Variants in GNG7 observed in about 807,000 individuals in gnomAD.
GNG7 encodes the protein G protein subunit gamma 7, also known as guanine nucleotide-binding protein G(I)/G(S)/G(O) subunit gamma-7.
Under a neutral mutation model 4.0 loss-of-function variants are expected in GNG7, and 1 was observed. The ratio of observed to expected loss-of-function variants is 0.25; its 90% confidence interval spans 0.09 to 1.18. GNG7 has a LOEUF of 1.18. Ranked by LOEUF, GNG7 falls within the 50% of genes most tolerant of loss-of-function variation. The pLI is 0.50. For missense variants in GNG7, 86 were observed against 91.9 expected, an observed-to-expected ratio of 0.94 and a Z score of 0.26; for synonymous variants, 34 against 36.9, an observed-to-expected ratio of 0.92 and a Z score of 0.29.
At chr19:2,566,762 T>C (rs1599394641) in intron 2 of GNG7, among the ~76,000 whole-genome samples, 1 of 152,176 alleles carries the variant, frequency 6.6e-6, no homozygotes, top group African/African-American at 2.4e-5. Context: ...CTGTGGACGA[T>C]TTCTCAATGA....
At chr19:2,697,919 A>G (rs113900785) in intron 1 of GNG7, among the ~76,000 whole-genome samples, 10,359 of 145,904 alleles carry the variant, frequency 0.071, 647 homozygotes, top group African/African-American at 0.18. Flanking sequence ...TTGCAATGAG[A>G]CAAGATGGCG....
intron 2 of GNG7, among the ~76,000 whole-genome samples, chr19:2,615,193 G>A (rs958088686): frequency 2.0e-5 from 3 of 150,066 alleles, no homozygotes; most frequent in Admixed American, 1.3e-4. Flanking sequence ...ACGGAGTCTC[G>A]CTCTGTCGCC....
At chr19:2,668,023 G>A (rs182677804) in intron 1 of GNG7, among the ~76,000 whole-genome samples, 433 of 152,284 alleles carry the variant, frequency 2.8e-3, no homozygotes, top group Admixed American at 7.5e-3. Flanking sequence ...GACATTAGAG[G>A]AAACTGAGGA....
chr19:2,684,200 G>A (rs1016169816), intron 1 of GNG7, among the ~76,000 whole-genome samples: 2 of 149,318 alleles, frequency 1.3e-5, no homozygotes, highest in African/African-American at 5.0e-5. Context: ...GCAATGGTGC[G>A]ATCTCGGCTC....
chr19:2,580,035 A>C (rs529211336), intron 2 of GNG7, among the ~76,000 whole-genome samples: 1 of 152,212 alleles, frequency 6.6e-6, no homozygotes, highest in East Asian at 1.9e-4. Flanking sequence ...ACTTTAAAAA[A>C]AACCATTGCA....
chr19:2,673,277 ACAAAAC>A (rs1983510326), intron 1 of GNG7, among the ~76,000 whole-genome samples: 1 of 148,174 alleles, frequency 6.7e-6, no homozygotes, highest in African/African-American at 2.5e-5. Flanking sequence ...ACAAAACAAA[ACAAAAC>A]AAAACAAAAA....
chr19:2,526,248 G>A (rs1476208646), intron 3 of GNG7, among the ~76,000 whole-genome samples: 1 of 151,686 alleles, frequency 6.6e-6, no homozygotes, highest in African/African-American at 2.4e-5. Flanking sequence ...GGGATTAAAG[G>A]CGTGAGCCAC....
chr19:2,662,555 C>T (rs1983208139), intron 1 of GNG7, among the ~76,000 whole-genome samples: 1 of 152,070 alleles, frequency 6.6e-6, no homozygotes, highest in South Asian at 2.1e-4. Flanking sequence ...TTCAGGGAAA[C>T]ACATTTACTG....
At chr19:2,526,029 G>A (rs1443068127) in intron 3 of GNG7, among the ~76,000 whole-genome samples, 2 of 139,532 alleles carry the variant, frequency 1.4e-5, no homozygotes, top group African/African-American at 5.5e-5. Flanking sequence ...GGAGTGCAGT[G>A]GCGCGATCTT....
At chr19:2,690,176 G>A (rs539746033) in intron 1 of GNG7, among the ~76,000 whole-genome samples, 5 of 151,986 alleles carry the variant, frequency 3.3e-5, no homozygotes, top group Non-Finnish European at 5.9e-5. Flanking sequence ...GAGGTCAGGA[G>A]TTCGAGACCA....
chr19:2,656,490 T>C (rs1473769574), intron 1 of GNG7, among the ~76,000 whole-genome samples: 3 of 152,040 alleles, frequency 2.0e-5, no homozygotes, highest in African/African-American at 7.2e-5. Flanking sequence ...TAGTCCCAGC[T>C]ACTCAGGAGG....
At chr19:2,665,687 C>G (rs1983293135) in intron 1 of GNG7, among the ~76,000 whole-genome samples, 1 of 152,080 alleles carries the variant, frequency 6.6e-6, no homozygotes, top group Non-Finnish European at 1.5e-5. Context: ...GTCGCTGTGC[C>G]TCAGTTTCCC....
At chr19:2,619,302 G>A (rs892071723) in intron 2 of GNG7, among the ~76,000 whole-genome samples, 4 of 152,140 alleles carry the variant, frequency 2.6e-5, no homozygotes, top group Admixed American at 2.6e-4. Context: ...ATTGGCACAC[G>A]GCCACACCCA....
chr19:2,519,146 CTTTTTTTT>C (rs71178282), intron 4 of GNG7, among the ~76,000 whole-genome samples: 1 of 84,540 alleles, frequency 1.2e-5, no homozygotes, highest in East Asian at 3.7e-4. Context: ...TTTCTTGTTT[CTTTTTTTT>C]TTTTTTTTTT....
intron 3 of GNG7, among the ~76,000 whole-genome samples, chr19:2,550,267 G>C (rs1248305885): frequency 6.6e-6 from 1 of 152,198 alleles, no homozygotes; most frequent in African/African-American, 2.4e-5. Flanking sequence ...GCCGAGGCTG[G>C]AGTGCAGTGG....
intron 1 of GNG7, among the ~76,000 whole-genome samples, chr19:2,696,805 G>A (rs1913276530): frequency 6.6e-6 from 1 of 152,234 alleles, no homozygotes; most frequent in African/African-American, 2.4e-5. Context: ...AGGGCTGGGG[G>A]AGGGGGTGGA....
intron 1 of GNG7, among the ~76,000 whole-genome samples, chr19:2,654,635 G>A (rs75559503): frequency 1.6e-5 from 2 of 124,642 alleles, no homozygotes; most frequent in African/African-American, 2.9e-5. Flanking sequence ...CACCCTGAGT[G>A]GGGGGAGGGA....
intron 2 of GNG7, among the ~76,000 whole-genome samples, chr19:2,606,991 C>T (rs940510327): frequency 1.3e-5 from 2 of 151,446 alleles, no homozygotes; most frequent in Non-Finnish European, 2.9e-5. Context: ...GAGGCCGAGG[C>T]GGGGGGATCA....
At chr19:2,525,490 C>T (rs560245829) in intron 3 of GNG7, among the ~76,000 whole-genome samples, 1 of 80,728 alleles carries the variant, frequency 1.2e-5, no homozygotes, top group Non-Finnish European at 2.3e-5. Context: ...ATGAGGGTAC[C>T]CCCCCACTCC....
Sources: gnomAD v4.1 joint callset for allele counts (sites outside exome capture counted in the v4.1 genomes callset) on GRCh38, gnomAD v4.1.1 for gene constraint, MANE v1.5 for transcripts, NCBI Gene and HGNC (gene_info 2026-07-23, HGNC 2026-07-21) for gene names.